PDE4B: variants seen among roughly 807,000 people sequenced by gnomAD.
PDE4B encodes the protein 3',5'-cyclic-AMP phosphodiesterase 4B.
A neutral mutation model predicts 82.2 loss-of-function variants in PDE4B; 20 were observed. The ratio of observed to expected loss-of-function variants is 0.24; its 90% CI spans 0.17 to 0.35. The LOEUF is 0.35. PDE4B is among the 10% of genes least tolerant of loss of function. The pLI is 1.00. For missense variants in PDE4B, 655 were observed against 907.2 expected (o/e 0.72, Z 3.57); for synonymous variants, 320 against 318.9 (o/e 1.00, Z -0.04).
intron 3 of PDE4B, among the ~76,000 whole-genome samples, chr1:66,022,606 C>A (rs1328672293): frequency 6.6e-6 from 1 of 152,058 alleles, no homozygotes; most frequent in Non-Finnish European, 1.5e-5. Context: ...TGCTGGATTA[C>A]GTTTATTGAT....
chr1:66,098,817 G>T (rs1645165228), intron 3 of PDE4B, among the ~76,000 whole-genome samples: 2 of 152,072 alleles, frequency 1.3e-5, no homozygotes, highest in African/African-American at 4.8e-5. Context: ...AAATGGCTTT[G>T]CTCAGCTATA....
At chr1:66,209,818 G>A in intron 3 of PDE4B, among the ~76,000 whole-genome samples, 1 of 152,134 alleles carries the variant, frequency 6.6e-6, no homozygotes, top group African/African-American at 2.4e-5. Context: ...TTAATGTAAA[G>A]TTTTGTGAGA....
At chr1:66,163,390 T>G (rs902564218) in intron 3 of PDE4B, among the ~76,000 whole-genome samples, 1 of 152,230 alleles carries the variant, frequency 6.6e-6, no homozygotes, top group African/African-American at 2.4e-5. Flanking sequence ...TGCAATGATA[T>G]ATGTGAAAAC....
At chr1:66,003,449 A>G (rs769746224) in intron 3 of PDE4B, among the ~76,000 whole-genome samples, 5 of 152,340 alleles carry the variant, frequency 3.3e-5, no homozygotes, top group African/African-American at 1.2e-4. Context: ...CTTAAAAGTA[A>G]CAAGACAAAG....
chr1:66,149,474 T>A (rs1156737841), intron 3 of PDE4B, among the ~76,000 whole-genome samples: 10 of 152,354 alleles, frequency 6.6e-5, no homozygotes, highest in African/African-American at 2.4e-4. Context: ...ATTTGCATTT[T>A]TTTCTTTTGT....
At chr1:65,933,565 G>C (rs938580122) in intron 3 of PDE4B, among the ~76,000 whole-genome samples, 4 of 152,050 alleles carry the variant, frequency 2.6e-5, no homozygotes, top group African/African-American at 9.7e-5. Flanking sequence ...ATGGTGGCAG[G>C]CGCCTATAAT....
intron 3 of PDE4B, among the ~76,000 whole-genome samples, chr1:66,023,132 C>T (rs1458823844): frequency 6.6e-6 from 1 of 152,078 alleles, no homozygotes; most frequent in East Asian, 1.9e-4. Flanking sequence ...TGTTAAGGTG[C>T]TACTGAGGCT....
intron 3 of PDE4B, among the ~76,000 whole-genome samples, chr1:66,193,915 A>G (rs537266723): frequency 1.3e-5 from 2 of 151,250 alleles, no homozygotes; most frequent in Non-Finnish European, 2.9e-5. Context: ...GTCTGAGGCC[A>G]TGTCACATTT....
chr1:66,190,914 C>T (rs557903896), intron 3 of PDE4B, among the ~76,000 whole-genome samples: 1 of 152,184 alleles, frequency 6.6e-6, no homozygotes, highest in African/African-American at 2.4e-5. Context: ...AGAAATCACC[C>T]GTCTTCTGCG....
chr1:66,329,067 T>A (rs1448845274), intron 7 of PDE4B, among the ~76,000 whole-genome samples: 1 of 152,180 alleles, frequency 6.6e-6, no homozygotes, highest in African/African-American at 2.4e-5. Flanking sequence ...ACACAGCTTG[T>A]CAGTCTGGCG....
At chr1:66,101,185 TA>T (rs1293578331) in intron 3 of PDE4B, among the ~76,000 whole-genome samples, 1 of 152,220 alleles carries the variant, frequency 6.6e-6, no homozygotes, top group South Asian at 2.1e-4. Flanking sequence ...GGCTGCATAG[TA>T]TTCCATGGTG....
At chr1:65,885,315 T>G (rs1243879111) in intron 1 of PDE4B, among the ~76,000 whole-genome samples, 5 of 152,152 alleles carry the variant, frequency 3.3e-5, no homozygotes, top group African/African-American at 9.7e-5. Context: ...ATTCCTCAAG[T>G]ATCTAGAACT....
At chr1:66,244,937 G>A (rs1046375888) in intron 3 of PDE4B, among the ~76,000 whole-genome samples, 1 of 152,124 alleles carries the variant, frequency 6.6e-6, no homozygotes, top group South Asian at 2.1e-4. Context: ...CATTTTAAGG[G>A]TAATGCTTTG....
Position 65,978,758 on chromosome 1 carries a change from A to G in PDE4B, c.281+59923A>G, listed in dbSNP as rs566921753. Among the ~76,000 whole-genome samples, 6 of 152,300 alleles carry G rather than the reference A, an allele frequency of 3.9e-5. No homozygotes were observed. The South Asian group carries it at 1.0e-3, about 26-fold the overall frequency. On this transcript the variant is annotated intron_variant, in intron 3 of 16. Transcript: ENST00000341517. ...GCTTAGAATTGAAAAGAGAATTACT[A>G]TGCTTACCATAAATCTCCTTGACAA... is the stretch of plus-strand genomic sequence containing the variant.
At chr1:66,341,835 C>A (rs772124594) in intron 8 of PDE4B, among the ~76,000 whole-genome samples, 19 of 152,216 alleles carry the variant, frequency 1.2e-4, no homozygotes, top group Non-Finnish European at 2.5e-4. Context: ...CCTCTCCCTA[C>A]ACCCTAGAAT....
chr1:65,907,220 G>C (rs1282459594), intron 1 of PDE4B, among the ~76,000 whole-genome samples: 3 of 152,136 alleles, frequency 2.0e-5, no homozygotes, highest in Non-Finnish European at 4.4e-5. Context: ...ATAACTGAGT[G>C]CAGTAGTCCT....
intron 8 of PDE4B, among the ~76,000 whole-genome samples, chr1:66,347,781 A>G (rs1025974151): frequency 6.6e-6 from 1 of 152,226 alleles, no homozygotes; most frequent in African/African-American, 2.4e-5. Context: ...TAATAATCTC[A>G]AAAACAAGCT....
intron 3 of PDE4B, among the ~76,000 whole-genome samples, chr1:66,237,724 T>G (rs1207981581): frequency 2.0e-5 from 3 of 152,230 alleles, no homozygotes; most frequent in African/African-American, 7.2e-5. Context: ...ATCCTTTCTC[T>G]GAGTAAAGAA....
At chr1:66,103,760 C>T (rs1645275960) in intron 3 of PDE4B, among the ~76,000 whole-genome samples, 1 of 152,044 alleles carries the variant, frequency 6.6e-6, no homozygotes, top group Non-Finnish European at 1.5e-5. Context: ...ACTTCTTGGG[C>T]TTCCATGTGG....
Sources: gnomAD v4.1 joint callset for allele counts (sites outside exome capture counted in the v4.1 genomes callset) on GRCh38, gnomAD v4.1.1 for gene constraint, MANE v1.5 for transcripts, NCBI Gene and HGNC (gene_info 2026-07-23, HGNC 2026-07-21) for gene names.